Variants in OPCML observed in about 807,000 individuals in gnomAD.
OPCML encodes the protein opioid-binding protein/cell adhesion molecule.
In OPCML, 13 loss-of-function variants were observed where a neutral mutation model predicts 37.8. The observed-to-expected ratio is 0.34, with a 90% CI of 0.22 to 0.55. The LOEUF is 0.55. Among genes scored for constraint, OPCML ranks in the 20% least tolerant of loss-of-function variants. The pLI is 0.91. For synonymous variants in OPCML, 176 were observed against 168.8 expected, an observed-to-expected ratio of 1.04 and a Z score of -0.33; for missense variants, 341 against 435.6, an observed-to-expected ratio of 0.78 and a Z score of 1.93.
chr11:133,005,149 G>A, intron 1 of OPCML: 1 of 985,294 alleles, frequency 1.0e-6, no homozygotes, highest in Non-Finnish European at 1.2e-6. Flanking sequence ...GCCTGCTCCT[G>A]CACCACTGAC....
rs150841302 is a variant in OPCML at position 133,305,023 on chromosome 11, G to A, written c.61+227241C>T. Among the ~76,000 whole-genome samples the A allele has an allele frequency of 1.8e-3, 272 of 152,158 alleles. 1 individual carries two copies. The highest frequency in any genetic ancestry group is 2.1e-3 in the Non-Finnish European group (146 of 67,998). On this transcript the variant is annotated intron_variant, in intron 1 of 7. Coordinates refer to ENST00000524381, the MANE Select transcript of OPCML (RefSeq NM_001012393.5). The stretch of plus-strand genomic sequence containing the variant: ...CTGCAACTCAGATGGAGTAAGCAAC[G>A]CCCCTGCCCTGCAGCTTTTCATGCA...
At chr11:132,900,003 G>A (rs1333932057) in intron 2 of OPCML, among the ~76,000 whole-genome samples, 4 of 151,996 alleles carry the variant, frequency 2.6e-5, no homozygotes, top group Admixed American at 6.6e-5. Context: ...ATATGTAGAC[G>A]GCTGTCACGG....
At chr11:132,613,326 G>A (rs1202023221) in intron 3 of OPCML, among the ~76,000 whole-genome samples, 1 of 152,180 alleles carries the variant, frequency 6.6e-6, no homozygotes, top group Admixed American at 6.5e-5. Flanking sequence ...CATTGTTCAG[G>A]AATCTAAATC....
At chr11:133,377,995 C>T (rs115206738) in intron 1 of OPCML, among the ~76,000 whole-genome samples, 3,828 of 152,274 alleles carry the variant, frequency 0.025, 89 homozygotes, top group African/African-American at 0.069. Flanking sequence ...AAGTTTAATA[C>T]GCCATATTGA....
intron 3 of OPCML, among the ~76,000 whole-genome samples, chr11:132,577,037 G>T (rs1220022004): frequency 7.2e-5 from 11 of 152,148 alleles, no homozygotes; most frequent in Admixed American, 5.9e-4. Flanking sequence ...GTCTCTTCCT[G>T]GTTGTAAGGC....
rs73601313 is a variant in OPCML at position 132,744,881 on chromosome 11, C to T, written c.147-87562G>A. 4.0e-3 allele frequency among the ~76,000 whole-genome samples: 602 copies of T among 151,644 alleles called. 4 individuals carry two copies. The highest frequency in any genetic ancestry group is 0.014 in the African/African-American group (583 of 41,032). ...GAAACTAAGTTTGAATCAACATTCACGAGCAAGCTCGAGGAAGTGAACGAG... is the reference window on the plus strand; with the variant it reads ...GAAACTAAGTTTGAATCAACATTCATGAGCAAGCTCGAGGAAGTGAACGAG... On this transcript the variant is annotated intron_variant, in intron 2 of 7. Transcript: ENST00000524381.
chr11:133,134,632 C>A (rs1482974861), intron 1 of OPCML, among the ~76,000 whole-genome samples: 1 of 152,180 alleles, frequency 6.6e-6, no homozygotes, highest in Non-Finnish European at 1.5e-5. Context: ...CCTGAAATAT[C>A]CTCGACTTGC....
intron 1 of OPCML, among the ~76,000 whole-genome samples, chr11:133,094,642 A>G (rs1948969306): frequency 6.6e-6 from 1 of 152,188 alleles, no homozygotes; most frequent in African/African-American, 2.4e-5. Context: ...AAATGCCTAA[A>G]TCACCAGAAC....
chr11:133,250,930 A>C (rs1045805825), intron 1 of OPCML, among the ~76,000 whole-genome samples: 1 of 152,098 alleles, frequency 6.6e-6, no homozygotes, highest in Admixed American at 6.6e-5. Context: ...TGCACCTGCC[A>C]GCACACTGCC....
rs139146937 is a variant in OPCML at position 133,147,101 on chromosome 11, C to A, written c.62-204091G>T. Among the ~76,000 whole-genome samples the A allele has an allele frequency of 5.5e-3, 845 of 152,334 alleles. 7 individuals carry two copies. The highest frequency in any genetic ancestry group is 0.031 in the Middle Eastern group (9 of 294). On this transcript the variant is annotated intron_variant, in intron 1 of 7. Coordinates refer to ENST00000524381, the MANE Select transcript of OPCML (RefSeq NM_001012393.5). The stretch of plus-strand genomic sequence containing the variant: ...TCAGCAACAGGGCACGGCACCCAAT[C>A]CCTGAGTGTCAGGGGCTGCCGCCTC...
intron 1 of OPCML, among the ~76,000 whole-genome samples, chr11:133,261,687 C>T (rs921981661): frequency 6.6e-6 from 1 of 152,202 alleles, no homozygotes; most frequent in Non-Finnish European, 1.5e-5. Context: ...AGTACATGCA[C>T]AGTAACACTT....
At chr11:133,441,871 A>G (rs1434506325) in intron 1 of OPCML, among the ~76,000 whole-genome samples, 2 of 152,208 alleles carry the variant, frequency 1.3e-5, no homozygotes, top group African/African-American at 4.8e-5. Context: ...TTTAATTGTT[A>G]AAGAACTCAG....
intron 1 of OPCML, among the ~76,000 whole-genome samples, chr11:133,404,803 T>G (rs905799663): frequency 5.3e-5 from 8 of 152,258 alleles, no homozygotes; most frequent in African/African-American, 1.9e-4. Flanking sequence ...GATACACAAT[T>G]TAAAAAATAA....
intron 2 of OPCML, among the ~76,000 whole-genome samples, chr11:132,850,174 G>C (rs1156683308): frequency 6.6e-6 from 1 of 152,122 alleles, no homozygotes; most frequent in Non-Finnish European, 1.5e-5. Context: ...ACTAAACAAA[G>C]TCCCTCTGGG....
At chr11:133,288,312 G>C (rs1942361831) in intron 1 of OPCML, among the ~76,000 whole-genome samples, 1 of 152,174 alleles carries the variant, frequency 6.6e-6, no homozygotes. Context: ...TGCTGGCCTG[G>C]AGGTATTCCT....
At chr11:133,033,010 C>T (rs947487506) in intron 1 of OPCML, among the ~76,000 whole-genome samples, 2 of 151,968 alleles carry the variant, frequency 1.3e-5, no homozygotes, top group African/African-American at 4.8e-5. Flanking sequence ...TCTCCCAGTC[C>T]AGAAATGGTT....
chr11:133,310,011 T>C (rs948304314), intron 1 of OPCML, among the ~76,000 whole-genome samples: 2 of 152,022 alleles, frequency 1.3e-5, no homozygotes, highest in Non-Finnish European at 2.9e-5. Flanking sequence ...ACGAGAGAGA[T>C]GTAAATTGGA....
intron 3 of OPCML, among the ~76,000 whole-genome samples, chr11:132,565,022 AGAG>A (rs2096419163): frequency 6.6e-6 from 1 of 152,322 alleles, no homozygotes. Flanking sequence ...TCCAACAAGA[AGAG>A]GTAAGTGAAA....
chr11:132,590,008 C>T (rs1303592421), intron 3 of OPCML, among the ~76,000 whole-genome samples: 1 of 152,038 alleles, frequency 6.6e-6, no homozygotes. Flanking sequence ...GTTTGCTGAC[C>T]CCTGACCTAA....
Sources: gnomAD v4.1 joint callset for allele counts (sites outside exome capture counted in the v4.1 genomes callset) on GRCh38, gnomAD v4.1.1 for gene constraint, MANE v1.5 for transcripts, NCBI Gene and HGNC (gene_info 2026-07-23, HGNC 2026-07-21) for gene names.